Variants in NRXN3 observed in about 807,000 individuals in gnomAD.
NRXN3 encodes the protein neurexin 3.
NRXN3 carries 32 observed loss-of-function variants against 137.6 expected under a neutral mutation model. The observed-to-expected ratio is 0.23, with a 90% CI of 0.18 to 0.31. The LOEUF is 0.31. Ranked by LOEUF, NRXN3 falls within the 10% of genes least tolerant of loss-of-function variation. The pLI, the probability that NRXN3 is intolerant of heterozygous loss-of-function variation, is 1.00. For synonymous variants in NRXN3, 798 were observed against 784.5 expected, an observed-to-expected ratio of 1.02 and a Z score of -0.29; for missense variants, 1,574 against 2,062.5, an observed-to-expected ratio of 0.76 and a Z score of 4.59.
chr14:79,663,632 A>G, intron 16 of NRXN3, 146 bp from the exon 17 acceptor site: 1 of 693,224 alleles, frequency 1.4e-6, no homozygotes, highest in Non-Finnish European at 2.4e-6. Flanking sequence ...CTCATGGAGA[A>G]ATGTAGAATG....
At chr14:78,373,292 G>A (rs1266680931) in intron 4 of NRXN3, among the ~76,000 whole-genome samples, 1 of 152,132 alleles carries the variant, frequency 6.6e-6, no homozygotes, top group Non-Finnish European at 1.5e-5. Flanking sequence ...GTCGTTTAGA[G>A]TGTGGCAACC....
chr14:78,999,721 A>G (rs2099537534), intron 15 of NRXN3, among the ~76,000 whole-genome samples: 1 of 152,188 alleles, frequency 6.6e-6, no homozygotes, highest in African/African-American at 2.4e-5. Flanking sequence ...ATACATCTAT[A>G]TAAAAGGGAA....
chr14:79,442,953 G>A (rs2095991869), intron 15 of NRXN3, among the ~76,000 whole-genome samples: 1 of 152,196 alleles, frequency 6.6e-6, no homozygotes, highest in African/African-American at 2.4e-5. Context: ...CCGATGGGGA[G>A]AGAAATGAGC....
chr14:78,596,892 G>T (rs1295502641), intron 4 of NRXN3, among the ~76,000 whole-genome samples: 1 of 152,082 alleles, frequency 6.6e-6, no homozygotes, highest in African/African-American at 2.4e-5. Flanking sequence ...ATTAATTAAT[G>T]AAAATGAAGA....
At chr14:78,978,705 C>T (rs1289390953) in intron 14 of NRXN3, among the ~76,000 whole-genome samples, 4 of 147,640 alleles carry the variant, frequency 2.7e-5, no homozygotes, top group South Asian at 4.2e-4. Context: ...AGGATATATG[C>T]ATCTTATATA....
At chr14:78,604,348 T>G (rs955158423) in intron 4 of NRXN3, among the ~76,000 whole-genome samples, 1 of 151,994 alleles carries the variant, frequency 6.6e-6, no homozygotes, top group Non-Finnish European at 1.5e-5. Context: ...CACTCACTTA[T>G]TTTTGTGCAG....
At chr14:79,310,918 C>T (rs1385129252) in intron 15 of NRXN3, among the ~76,000 whole-genome samples, 2 of 93,250 alleles carry the variant, frequency 2.1e-5, no homozygotes, top group African/African-American at 1.1e-4. Flanking sequence ...AATTGAATAC[C>T]CTTTATTTCC....
At chr14:78,952,718 A>C (rs1219675710) in intron 10 of NRXN3, among the ~76,000 whole-genome samples, 1 of 152,156 alleles carries the variant, frequency 6.6e-6, no homozygotes, top group East Asian at 1.9e-4. Context: ...CATATATTTT[A>C]TGCATTGTAG....
At chr14:78,239,396 A>C (rs910376365) in intron 1 of NRXN3, among the ~76,000 whole-genome samples, 14 of 152,216 alleles carry the variant, frequency 9.2e-5, no homozygotes, top group Non-Finnish European at 1.9e-4. Flanking sequence ...CTCAATAAAC[A>C]GTTGAATTGA....
intron 15 of NRXN3, among the ~76,000 whole-genome samples, chr14:79,238,651 A>G (rs981163877): frequency 1.2e-4 from 19 of 152,226 alleles, no homozygotes; most frequent in Admixed American, 1.2e-3. Flanking sequence ...AGATCCTATA[A>G]TATCAGTAGG....
chr14:79,009,190 G>C (rs2099565056), intron 15 of NRXN3, among the ~76,000 whole-genome samples: 1 of 152,142 alleles, frequency 6.6e-6, no homozygotes, highest in East Asian at 1.9e-4. Context: ...CTCTTTGTAA[G>C]AGTTAGGGGA....
chr14:79,565,214 T>TATATGTGTGTGTATATATAC (rs1193056469), intron 16 of NRXN3, among the ~76,000 whole-genome samples: 5 of 141,638 alleles, frequency 3.5e-5, no homozygotes, highest in South Asian at 4.4e-4. Flanking sequence ...TTTGTGTATA[T>TATATGTGTGTGTATATATAC]ATATGTGTGT....
chr14:79,003,385 C>T (rs1455925743), intron 15 of NRXN3, among the ~76,000 whole-genome samples: 1 of 152,118 alleles, frequency 6.6e-6, no homozygotes, highest in Non-Finnish European at 1.5e-5. Flanking sequence ...TTTAAATCTG[C>T]TCATTTAAAG....
chr14:78,894,883 G>GA (rs561567362), intron 10 of NRXN3, among the ~76,000 whole-genome samples: 4,102 of 134,806 alleles, frequency 0.03, 177 homozygotes, highest in African/African-American at 0.1. Context: ...GTAACATTTT[G>GA]AAAAAAAAAA....
chr14:79,105,490 T>G (rs2152859407), intron 15 of NRXN3, among the ~76,000 whole-genome samples: 1 of 152,206 alleles, frequency 6.6e-6, no homozygotes, highest in Non-Finnish European at 1.5e-5. Context: ...CTGGTTGAAG[T>G]TTTAGTGAAA....
chr14:79,181,929 T>G (rs1412413028), intron 15 of NRXN3, among the ~76,000 whole-genome samples: 1 of 152,110 alleles, frequency 6.6e-6, no homozygotes, highest in Non-Finnish European at 1.5e-5. Flanking sequence ...TAAACATGAC[T>G]TGGGAATTAG....
intron 4 of NRXN3, among the ~76,000 whole-genome samples, chr14:78,585,110 G>C (rs868144621): frequency 1.4e-5 from 2 of 138,252 alleles, no homozygotes; most frequent in Middle Eastern, 3.8e-3. Context: ...AAATGCTATG[G>C]AGAAAAATAA....
intron 10 of NRXN3, among the ~76,000 whole-genome samples, chr14:78,922,539 T>C (rs2099273689): frequency 6.6e-6 from 1 of 152,218 alleles, no homozygotes; most frequent in African/African-American, 2.4e-5. Flanking sequence ...TAAGGGACTT[T>C]GAATATGCTA....
rs541679064 is a variant in NRXN3, at chr14:78,827,810, C to T, written c.2275+17466C>T. ...CAGTGTCCGAGGAAAATGACAACAT[C>T]CCTTTGGGGAACTGAGCTAGACCTC... On this transcript the variant is annotated intron_variant, in intron 10 of 20. Transcript: ENST00000335750. 6.7e-4 allele frequency among the ~76,000 whole-genome samples: 102 copies of T among 152,322 alleles called. No individual in the cohort carries two copies. The South Asian group carries it at 9.5e-3, about 14-fold the overall frequency.
Sources: allele counts gnomAD v4.1 joint callset (sites outside exome capture counted in the v4.1 genomes callset), GRCh38; gene constraint gnomAD v4.1.1; transcripts MANE v1.5; gene names NCBI Gene and HGNC (gene_info 2026-07-23, HGNC 2026-07-21).